ZBBX: variants seen among roughly 807,000 people sequenced by gnomAD.
ZBBX encodes zinc finger B-box domain containing, also known as zinc finger B-box domain-containing protein 1.
ZBBX carries 101 observed loss-of-function variants against 108.5 expected under a neutral mutation model. That is an observed-to-expected ratio of 0.93 (90% CI 0.79 to 1.10). The LOEUF (loss-of-function observed/expected upper bound fraction) is 1.10. Ranked by LOEUF, ZBBX falls within the 50% of genes least tolerant of loss-of-function variation. The probability of loss-of-function intolerance (pLI) is 0.00; values close to 1 mark genes in which losing one functional copy is unlikely to be tolerated. For missense variants in ZBBX, 1,009 were observed against 941.4 expected (o/e 1.07, Z -0.94); for synonymous variants, 356 against 323.4 (o/e 1.10, Z -1.08).
chr3:167,374,249 C>G (rs1042480779), intron 2 of ZBBX, among the ~76,000 whole-genome samples: 1 of 152,012 alleles, frequency 6.6e-6, no homozygotes, highest in African/African-American at 2.4e-5. Flanking sequence ...CTCTTTGGCT[C>G]AGATCAGAAA....
intron 2 of ZBBX, among the ~76,000 whole-genome samples, chr3:167,375,131 G>A (rs1746750715): frequency 1.3e-5 from 2 of 152,202 alleles, no homozygotes; most frequent in South Asian, 4.1e-4. Flanking sequence ...AGGAAGGACA[G>A]CACCAAAACT....
intron 1 of ZBBX, chr3:167,401,322 C>T (rs1214153403): frequency 5.9e-5 from 9 of 152,088 alleles, no homozygotes; most frequent in Admixed American, 4.6e-4. Flanking sequence ...AAGACCTTAG[C>T]TCTTATTGTT....
the ZBBX span, among the ~76,000 whole-genome samples, chr3:167,218,959 C>A: frequency 2.0e-5 from 3 of 149,426 alleles, no homozygotes; most frequent in Admixed American, 1.3e-4. Flanking sequence ...AAACAGAAAC[C>A]AAAAAGAAAA....
rs528901369 is a variant in ZBBX, at chr3:167,380,236, A to G, written c.-287+11T>C. 1.6e-4 allele frequency: 25 copies of G among 152,386 alleles called. No individual in the cohort carries two copies. Among genetic ancestry groups the G allele is most frequent in the African/African-American group, 6.0e-4 (25 of 41,588 alleles). 9.4% of individuals were successfully genotyped at this position (152,386 alleles called of 1,614,324 possible). ...CCTCCCCTCTCATCCACCCGCAGACAGACAACCCACCTGGAGACCCCAGCC... is the reference window on the plus strand; with the variant it reads ...CCTCCCCTCTCATCCACCCGCAGACGGACAACCCACCTGGAGACCCCAGCC... On this transcript the variant is annotated intron_variant, in intron 1 of 21. Transcript: ENST00000675490.
intron 20 of ZBBX, among the ~76,000 whole-genome samples, chr3:167,247,561 G>A (rs2108338235): frequency 6.6e-6 from 1 of 152,270 alleles, no homozygotes; most frequent in Admixed American, 6.5e-5. Flanking sequence ...TAATTGAGCT[G>A]GTTAACACAA....
At chr3:167,266,983 G>A (rs1005237212) in intron 20 of ZBBX, among the ~76,000 whole-genome samples, 6 of 152,098 alleles carry the variant, frequency 3.9e-5, no homozygotes, top group African/African-American at 7.2e-5. Flanking sequence ...GGAACAAGCC[G>A]GCAGCTTGGG....
At position 167,282,320 on chromosome 3, in the gene ZBBX, A is replaced by G. The variant is rs1314582974; in HGVS notation, c.2172T>C (p.Asn724=). 1 of 1,613,840 alleles carries G rather than the reference A, an allele frequency of 6.2e-7. No individual in the cohort carries two copies. The highest frequency in any genetic ancestry group is 1.3e-5 in the African/African-American group (1 of 74,936). Residue 724 remains asparagine, a synonymous_variant, in exon 20 of 22, where the codon AAT becomes AAC. Transcript: ENST00000675490. ...CAGTAGTGTCATCTAAGGAAAGCTCATTCTGGTCAGTAATATCAATATATT... is the reference window on the plus strand; with the variant it reads ...CAGTAGTGTCATCTAAGGAAAGCTCGTTCTGGTCAGTAATATCAATATATT... ...EIEYIDITDQ[N]ELSLDDTTDQ...
chr3:167,341,681 T>A (rs2108446816), intron 9 of ZBBX, among the ~76,000 whole-genome samples: 1 of 152,112 alleles, frequency 6.6e-6, no homozygotes, highest in East Asian at 1.9e-4. Flanking sequence ...ATGCACTATA[T>A]TAATTATCTT....
rs2108302266 is a variant in ZBBX at position 167,240,907 on chromosome 3, T to A, written c.2406A>T (p.Arg802Ser). The change falls in exon 22 of 22, where the codon AGA becomes AGT. Residue 802 changes from arginine (R) to serine (S), a missense_variant. Physicochemically the swap from Arg to Ser is moderately radical, Grantham distance 110 (BLOSUM62 -1). Coordinates refer to ENST00000675490, the MANE Select transcript of ZBBX (RefSeq NM_001199201.2). ...ACAGCAAAGACTGAATTTTGGTATC[T>A]CTTCCAGAACAGCTGAAAATACATA... ...CGVEELSCSG[R>S]DTKIQSLLSL... 1 of 1,613,220 alleles carries A rather than the reference T, an allele frequency of 6.2e-7. No individual in the cohort carries two copies. The highest frequency in any genetic ancestry group is 1.1e-5 in the South Asian group (1 of 91,052).
At chr3:167,180,392 G>A in the ZBBX span, among the ~76,000 whole-genome samples, 8 of 152,174 alleles carry the variant, frequency 5.3e-5, no homozygotes, top group African/African-American at 1.9e-4. Context: ...TGATCCCTAC[G>A]AATGGTTACT....
At chr3:167,219,651 A>G in the ZBBX span, among the ~76,000 whole-genome samples, 6 of 151,966 alleles carry the variant, frequency 3.9e-5, no homozygotes, top group Admixed American at 6.6e-5. Context: ...GTTTATAGCT[A>G]TAAGTGTCTA....
intron 12 of ZBBX, among the ~76,000 whole-genome samples, chr3:167,319,188 A>G (rs545659680): frequency 6.6e-6 from 1 of 152,126 alleles, no homozygotes; most frequent in South Asian, 2.1e-4. Context: ...ATTGCCAAAA[A>G]CTGGAAACCA....
At chr3:167,270,213 C>T (rs774018292) in intron 20 of ZBBX, among the ~76,000 whole-genome samples, 25 of 152,092 alleles carry the variant, frequency 1.6e-4, no homozygotes, top group Non-Finnish European at 4.4e-5. Flanking sequence ...ATATTTAGGC[C>T]ATTTCGTAAG....
At chr3:167,219,659 C>T in the ZBBX span, among the ~76,000 whole-genome samples, 1 of 151,704 alleles carries the variant, frequency 6.6e-6, no homozygotes, top group African/African-American at 2.4e-5. Flanking sequence ...CTATAAGTGT[C>T]TACATCATAA....
intron 9 of ZBBX, among the ~76,000 whole-genome samples, chr3:167,344,480 T>C (rs895214780): frequency 6.6e-6 from 1 of 151,816 alleles, no homozygotes; most frequent in African/African-American, 2.4e-5. Context: ...TTCTGACTCA[T>C]CAAGGACTTA....
At chr3:167,344,188 G>C (rs1741043153) in intron 9 of ZBBX, among the ~76,000 whole-genome samples, 2 of 151,744 alleles carry the variant, frequency 1.3e-5, no homozygotes, top group African/African-American at 4.8e-5. Flanking sequence ...AGAGAGAAAG[G>C]AGTATTGGTC....
intron 1 of ZBBX, among the ~76,000 whole-genome samples, chr3:167,400,896 T>A (rs1459742282): frequency 6.6e-6 from 1 of 152,074 alleles, no homozygotes; most frequent in African/African-American, 2.4e-5. Context: ...AAGAAGGCAA[T>A]AACATATGCA....
At chr3:167,341,174 A>G (rs1439749883) in intron 9 of ZBBX, among the ~76,000 whole-genome samples, 3 of 151,850 alleles carry the variant, frequency 2.0e-5, no homozygotes, top group African/African-American at 7.2e-5. Context: ...TTAATTAAAG[A>G]TTTATGTATT....
At chr3:167,263,645 A>G (rs987918392) in intron 20 of ZBBX, among the ~76,000 whole-genome samples, 5 of 152,210 alleles carry the variant, frequency 3.3e-5, no homozygotes, top group Non-Finnish European at 5.9e-5. Flanking sequence ...CACATGGTCT[A>G]TCTTTGAGAA....
Sources: allele counts gnomAD v4.1 joint callset (sites outside exome capture counted in the v4.1 genomes callset), GRCh38; gene constraint gnomAD v4.1.1; transcripts MANE v1.5; gene names NCBI Gene and HGNC (gene_info 2026-07-23, HGNC 2026-07-21).